The following ALKBH2 variants were observed in gnomAD, a reference collection of about 807,000 sequenced individuals.
The protein encoded by ALKBH2 is alkB homolog 2, alpha-ketoglutarate dependent dioxygenase, also known as DNA oxidative demethylase ALKBH2.
Under a neutral mutation model 19.7 loss-of-function variants are expected in ALKBH2, and 19 were observed. That is an observed-to-expected ratio of 0.97 (90% CI 0.67 to 1.42). ALKBH2 has a LOEUF of 1.42. Ranked by LOEUF, ALKBH2 falls within the 40% of genes most tolerant of loss-of-function variation. The probability of loss-of-function intolerance (pLI) is 0.00; values close to 1 mark genes in which losing one functional copy is unlikely to be tolerated. For synonymous variants in ALKBH2, 135 were observed against 131.2 expected, an observed-to-expected ratio of 1.03 and a Z score of -0.20; for missense variants, 310 against 328.5, an observed-to-expected ratio of 0.94 and a Z score of 0.43.
intron 3 of ALKBH2, 82 bp downstream of exon 3, chr12:109,089,927 C>T (rs1398967037): frequency 2.0e-6 from 3 of 1,492,916 alleles, no homozygotes; most frequent in Non-Finnish European, 2.8e-6. Context: ...TACCAATGAA[C>T]CAAATAGGGT....
Position 109,088,431 on chromosome 12 carries a change from GAC to G in ALKBH2, c.559_560del (p.Val187LeufsTer13), listed in dbSNP as rs1373810565. 2 of 1,613,826 alleles carry G rather than the reference GAC, an allele frequency of 1.2e-6. No homozygotes were observed. On this transcript the variant is annotated frameshift_variant, in exon 4 of 4. Transcript: ENST00000429722. LOFTEE classifies it high-confidence loss of function. This position sits in a 1 kb window ranked among gnomAD's most constrained non-coding sequence, Gnocchi z 4.2. ...CAAAGTCTCTGCAGGCACCGAAGGA[GAC>G]AGAGGCAATGGGGCTCCCAGGGGCC... ...ELAPGSPIAS[V>X]SFGACRDFVF...
chr12:109,093,131 G>C (rs1381002254), intron 1 of ALKBH2, 116 bp downstream of exon 1: 2 of 236,640 alleles, frequency 8.5e-6, no homozygotes, highest in Admixed American at 5.3e-5. Flanking sequence ...GCTAAACTTA[G>C]AAACTACAAT....
At position 109,090,115 on chromosome 12, in the gene ALKBH2, A is replaced by C. The variant is rs1475724778; in HGVS notation, c.373T>G (p.Ser125Ala). The C allele has an allele frequency of 6.2e-7, 1 of 1,614,188 alleles. No homozygotes were observed. The highest frequency in any genetic ancestry group is 1.1e-5 in the South Asian group (1 of 91,078). ...GGCTTTGGAGACAGCGTGAGGCCTG[A>C]AAATGTGTAGGTCAGCCCAGCGTCG... The part of the protein sequence containing the change: ...YGDAGLTYTF[S>A]GLTLSPKPWI... Residue 125 changes from serine to alanine, a missense_variant, in exon 3 of 4, where the codon TCA becomes GCA. Coordinates refer to ENST00000429722, the MANE Select transcript of ALKBH2 (RefSeq NM_001145374.2).
chr12:109,093,035 T>C (rs1482006803), intron 1 of ALKBH2, 98 bp from the exon 2 acceptor site: 1 of 1,024,390 alleles, frequency 9.8e-7, no homozygotes, highest in East Asian at 3.4e-5. Flanking sequence ...ATCAGCTGGC[T>C]AGCTTGCAAA....
At position 109,092,725 on chromosome 12, in the gene ALKBH2, T is replaced by C; in HGVS notation, c.62A>G (p.Glu21Gly). 1 of 1,614,154 alleles carries C rather than the reference T, an allele frequency of 6.2e-7. No homozygotes were observed. Among genetic ancestry groups the C allele is most frequent in the Non-Finnish European group, 8.5e-7 (1 of 1,180,024 alleles). ...CACAGCTGGCTCTTCTCCAGTTGGC[T>C]CTTGCTCCTCCTGCTTCCTCAAAAG... is the stretch of plus-strand genomic sequence containing the variant. ...GGLLRKQEEQ[E>G]PTGEEPAVLG... The change falls in exon 2 of 4, where the codon GAG becomes GGG. Residue 21 changes from glutamate (E) to glycine (G), a missense_variant. Physicochemically the swap from Glu to Gly is moderately conservative, Grantham distance 98. Coordinates refer to ENST00000429722, the MANE Select transcript of ALKBH2 (RefSeq NM_001145374.2).
Position 109,092,745 on chromosome 12 carries a change from CA to C in ALKBH2, c.41del (p.Leu14Ter). ...TTGGCTCTTGCTCCTCCTGCTTCCT[CA>C]AAAGGCCCCCTTGAGCCCCTTTCAC... ...FLVKGAQGGL[L>X]RKQEEQEPTG... On this transcript the variant is annotated frameshift_variant, in exon 2 of 4. Transcript: ENST00000429722. LOFTEE classifies it high-confidence loss of function. The C allele has an allele frequency of 2.5e-6, 4 of 1,613,992 alleles. No individual in the cohort carries two copies. Among genetic ancestry groups the C allele is most frequent in the Non-Finnish European group, 3.4e-6 (4 of 1,179,936 alleles).
At chr12:109,089,906 G>C in intron 3 of ALKBH2, 103 bp downstream of exon 3, 1 of 1,275,050 alleles carries the variant, frequency 7.8e-7, no homozygotes, top group African/African-American at 1.5e-5. Context: ...AGTGTACTAA[G>C]AAATGATTTG....
In ALKBH2 at chr12:109,090,088, A is replaced by G. The variant is rs1345012929; in HGVS notation, c.400T>C (p.Trp134Arg). 1 of 1,614,222 alleles carries G rather than the reference A, an allele frequency of 6.2e-7. No homozygotes were observed. The highest frequency in any genetic ancestry group is 1.7e-5 in the Admixed American group (1 of 60,032). ...CGGATGCGCTCTAGAACTGGGATCC[A>G]GGGCTTTGGAGACAGCGTGAGGCCT... ...FSGLTLSPKP[W>R]IPVLERIRDH... The change falls in exon 3 of 4, where the codon TGG becomes CGG. Residue 134 changes from tryptophan (W) to arginine (R), a missense_variant. Trp to Arg is a moderately radical substitution (Grantham distance 101). Coordinates refer to ENST00000429722, the MANE Select transcript of ALKBH2 (RefSeq NM_001145374.2).
chr12:109,089,226 C>G (rs1339443040), intron 3 of ALKBH2, among the ~76,000 whole-genome samples: 1 of 152,214 alleles, frequency 6.6e-6, no homozygotes, highest in Non-Finnish European at 1.5e-5. Flanking sequence ...TTTTGCTTCA[C>G]AGACACTCCA....
At chr12:109,093,016 T>C in intron 1 of ALKBH2, 79 bp from the exon 2 acceptor site, 1 of 1,161,954 alleles carries the variant, frequency 8.6e-7, no homozygotes, top group Non-Finnish European at 1.1e-6. Flanking sequence ...CGTCCACCTG[T>C]GCATCAGAAT....
At position 109,088,551 on chromosome 12, in the gene ALKBH2, C is replaced by G. The variant is rs779444311; in HGVS notation, c.480-39G>C. Reference sequence around the variant, plus strand: ...ACAAACACAGTGCATAAAAACAACCCTCTCCTGAAACTCACCAGCACCGCC... The same window carrying G: ...ACAAACACAGTGCATAAAAACAACCGTCTCCTGAAACTCACCAGCACCGCC... On this transcript the variant is annotated intron_variant, in intron 3 of 3. Transcript: ENST00000429722. The surrounding 1 kb of genome is among the most constrained non-coding windows in gnomAD (Gnocchi z 4.2). 30 of 1,540,892 alleles carry G rather than the reference C, an allele frequency of 1.9e-5. No individual in the cohort carries two copies. In the East Asian group the frequency reaches 6.8e-4, roughly 35 times the overall value.
At chr12:109,092,381 A>G (rs1566116184) in intron 2 of ALKBH2, 126 bp downstream of exon 2, 2 of 1,331,588 alleles carry the variant, frequency 1.5e-6, no homozygotes, top group Non-Finnish European at 2.0e-6. Context: ...ATATTGGATG[A>G]ATCCATTAGT....
In ALKBH2 at chr12:109,091,869, CCT is replaced by C. The variant is rs1488984364; in HGVS notation, c.280+636_280+637del. Among the ~76,000 whole-genome samples, 3 of 152,262 alleles carry C rather than the reference CCT, an allele frequency of 2.0e-5. No homozygotes were observed. The East Asian group carries it at 5.8e-4, about 29-fold the overall frequency. ...CTAGCTTCCTGTGGGCTTTTCTATG[CCT>C]CTCTGCCAGATCCTTGTGTCCTCAT... On this transcript the variant is annotated intron_variant, in intron 2 of 3. Coordinates refer to ENST00000429722, the MANE Select transcript of ALKBH2 (RefSeq NM_001145374.2).
intron 1 of ALKBH2, 146 bp downstream of exon 1, chr12:109,093,101 C>T: frequency 3.2e-6 from 1 of 309,462 alleles, no homozygotes; most frequent in Non-Finnish European, 5.7e-6. Flanking sequence ...GAACTACCTC[C>T]TGGGAATTCG....
chr12:109,089,186 A>G (rs960539795), intron 3 of ALKBH2, among the ~76,000 whole-genome samples: 2 of 152,034 alleles, frequency 1.3e-5, no homozygotes, highest in Admixed American at 1.3e-4. Flanking sequence ...TCTTTCCCTC[A>G]TTCACTGCTT....
intron 2 of ALKBH2, among the ~76,000 whole-genome samples, chr12:109,091,314 C>T (rs969187046): frequency 2.6e-5 from 4 of 152,124 alleles, no homozygotes; most frequent in African/African-American, 7.2e-5. Context: ...TGAGCCCAGG[C>T]GGACGAGGCT....
rs772106516 is a variant in ALKBH2, at chr12:109,088,352, C to G, written c.640G>C (p.Val214Leu). ...CTCCCGTGGGCCAGCGGCAGCCTGA[C>G]CACCGCCACCCTCCTGGAGGGGCTT... ...GKSPSRRVAVVRLPLAHGSLL... is the reference protein window; with the variant it reads ...GKSPSRRVAVLRLPLAHGSLL... Residue 214 changes from valine (V) to leucine (L), a missense_variant, in exon 4 of 4, where the codon GTC (valine) becomes CTC (leucine). By Grantham distance (32) the Val-to-Leu change is conservative. Coordinates refer to ENST00000429722, the MANE Select transcript of ALKBH2 (RefSeq NM_001145374.2). The surrounding 1 kb of genome is among the most constrained non-coding windows in gnomAD (Gnocchi z 4.2). 1.9e-6 allele frequency: 3 copies of G among 1,613,992 alleles called. No individual in the cohort carries two copies. The East Asian group carries it at 6.7e-5, about 36-fold the overall frequency.
In ALKBH2 at chr12:109,093,344, C is replaced by G. The variant is rs146280094; in HGVS notation, c.-249G>C. 6.5e-5 allele frequency: 10 copies of G among 152,702 alleles called. No homozygotes were observed. Among genetic ancestry groups the G allele is most frequent in the African/African-American group, 2.2e-4 (9 of 41,576 alleles). 9.5% of individuals were successfully genotyped at this position (152,702 alleles called of 1,614,324 possible). A position where few individuals can be genotyped will look rare whatever the true frequency, so the allele number is the denominator to read the frequency against. On this transcript the variant is annotated 5_prime_UTR_variant, in exon 1 of 4. Transcript: ENST00000429722. ...CGCAAAGAGGTTAAACACGGGTAAA[C>G]CGCACGCAAAATTCTGATATCACTG...
rs2042006956 is a variant in ALKBH2 at position 109,088,614 on chromosome 12, C to T, written c.480-102G>A. 1 of 1,112,346 alleles carries T rather than the reference C, an allele frequency of 9.0e-7. No individual in the cohort carries two copies. The highest frequency in any genetic ancestry group is 1.3e-6 in the Non-Finnish European group (1 of 791,306). The allele number at this position is 1,112,346 out of a possible 1,614,324, so 68.9% of individuals were successfully genotyped here. ...CCTCACAGTGTGAAACAGCACTCTG[C>T]ATGGCTGTACCTGCCGTTGTTTCTG... On this transcript the variant is annotated intron_variant, in intron 3 of 3. Transcript: ENST00000429722. The surrounding 1 kb of genome is among the most constrained non-coding windows in gnomAD (Gnocchi z 4.2).
Sources: gnomAD v4.1 joint callset for allele counts (sites outside exome capture counted in the v4.1 genomes callset) on GRCh38, gnomAD v4.1.1 for gene constraint, Gnocchi (gnomAD v3.1) non-coding constraint, MANE v1.5 for transcripts, NCBI Gene and HGNC (gene_info 2026-07-23, HGNC 2026-07-21) for gene names.